The following CSGALNACT2 variants were observed in gnomAD, a reference collection of about 807,000 sequenced individuals.
CSGALNACT2 encodes the protein chondroitin sulfate N-acetylgalactosaminyltransferase 2.
A neutral mutation model predicts 55.3 loss-of-function variants in CSGALNACT2; 35 were observed. The observed-to-expected ratio is 0.63, with a 90% confidence interval of 0.48 to 0.84. CSGALNACT2 has a LOEUF of 0.84. Among genes scored for constraint, CSGALNACT2 ranks in the 40% least tolerant of loss-of-function variants. The pLI is 0.00. For synonymous variants in CSGALNACT2, 196 were observed against 224.9 expected (o/e 0.87, Z 1.15); for missense variants, 544 against 657.5 (o/e 0.83, Z 1.89).
intron 5 of CSGALNACT2, among the ~76,000 whole-genome samples, chr10:43,164,593 A>C (rs1839219829): frequency 6.6e-6 from 1 of 152,364 alleles, no homozygotes; most frequent in East Asian, 1.9e-4. Flanking sequence ...TCACGCCTAT[A>C]ATCTCAGTAC....
chr10:43,183,716 C>A lies in CSGALNACT2; in HGVS notation c.*174C>A. On this transcript the variant is annotated 3_prime_UTR_variant, in exon 8 of 8. Coordinates refer to ENST00000374466, the MANE Select transcript of CSGALNACT2 (RefSeq NM_018590.5). Reference sequence around the variant, plus strand: ...TGAGAAGAAAAAACAAATGTTTCAACACAAAATCTCTGTTTTGTGAGAATA... The same window carrying A: ...TGAGAAGAAAAAACAAATGTTTCAAAACAAAATCTCTGTTTTGTGAGAATA... The A allele has an allele frequency of 1.7e-6, 1 of 605,676 alleles. No homozygotes were observed. Among genetic ancestry groups the A allele is most frequent in the Non-Finnish European group, 2.9e-6 (1 of 342,602 alleles). 37.5% of individuals were successfully genotyped at this position (605,676 alleles called of 1,614,324 possible). A position where few individuals can be genotyped will look rare whatever the true frequency, so the allele number is the denominator to read the frequency against.
chr10:43,158,177 C>A (rs191108237), intron 2 of CSGALNACT2, among the ~76,000 whole-genome samples: 243 of 109,090 alleles, frequency 2.2e-3, no homozygotes, highest in African/African-American at 8.6e-3. Context: ...TGTATACACA[C>A]ATATATATAT....
In CSGALNACT2 at chr10:43,149,682, A is replaced by G. The variant is rs375879403; in HGVS notation, c.-253-5215A>G. 6.6e-5 allele frequency among the ~76,000 whole-genome samples: 10 copies of G among 152,314 alleles called. No homozygotes were observed. The East Asian group carries it at 9.6e-4, about 15-fold the overall frequency. ...TCTTTTAATGTCTGGATTTGGTAGCAGGATGATACTGACCTTATAGAATGC... is the reference window on the plus strand; with the variant it reads ...TCTTTTAATGTCTGGATTTGGTAGCGGGATGATACTGACCTTATAGAATGC... On this transcript the variant is annotated intron_variant, in intron 1 of 7. Coordinates refer to ENST00000374466, the MANE Select transcript of CSGALNACT2 (RefSeq NM_018590.5).
chr10:43,157,279 T>G (rs1160824808), intron 2 of CSGALNACT2, among the ~76,000 whole-genome samples: 2 of 152,228 alleles, frequency 1.3e-5, no homozygotes, highest in African/African-American at 2.4e-5. Flanking sequence ...GTGCCAGTTT[T>G]ATATTCTGCA....
intron 6 of CSGALNACT2, among the ~76,000 whole-genome samples, chr10:43,168,001 T>A (rs1028166243): frequency 7.9e-5 from 12 of 151,998 alleles, no homozygotes; most frequent in African/African-American, 2.9e-4. Flanking sequence ...GTAGACAGAT[T>A]TCAGGTAAAA....
chr10:43,144,561 AG>A (rs1016752204), intron 1 of CSGALNACT2, among the ~76,000 whole-genome samples: 2 of 43,730 alleles, frequency 4.6e-5, no homozygotes, highest in African/African-American at 4.5e-4. Flanking sequence ...AACAAACTGG[AG>A]GGGTTTTTTT....
At chr10:43,183,176 T>A in intron 7 of CSGALNACT2, 74 bp from the exon 8 acceptor site, 1 of 1,198,046 alleles carries the variant, frequency 8.3e-7, no homozygotes, top group Non-Finnish European at 1.2e-6. Flanking sequence ...GCAGAACATT[T>A]AAAATTTTAT....
At chr10:43,169,775 C>T (rs1325562252) in intron 6 of CSGALNACT2, among the ~76,000 whole-genome samples, 1 of 152,154 alleles carries the variant, frequency 6.6e-6, no homozygotes, top group Non-Finnish European at 1.5e-5. Flanking sequence ...CTTCCAGAGA[C>T]ACTAAAAATA....
At chr10:43,171,232 C>T (rs1839375832) in intron 6 of CSGALNACT2, among the ~76,000 whole-genome samples, 1 of 151,922 alleles carries the variant, frequency 6.6e-6, no homozygotes, top group South Asian at 2.1e-4. Flanking sequence ...TGTTTTGCAA[C>T]TTCTTTGTAA....
intron 4 of CSGALNACT2, chr10:43,163,001 G>A (rs1037071908): frequency 1.9e-5 from 19 of 984,990 alleles, no homozygotes; most frequent in African/African-American, 8.7e-5. Context: ...TTAAGATTCC[G>A]TTGACCCTTA....
At position 43,184,762 on chromosome 10, in the gene CSGALNACT2, T is replaced by C. The variant is rs1023984085; in HGVS notation, c.*1220T>C. 1.3e-5 allele frequency: 2 copies of C among 152,236 alleles called. No individual in the cohort carries two copies. Among genetic ancestry groups the C allele is most frequent in the African/African-American group, 2.4e-5 (1 of 41,464 alleles). 9.4% of individuals were successfully genotyped at this position (152,236 alleles called of 1,614,324 possible). ...ACTGCACTACATTATTTGTCACACA[T>C]GGATCTGTTACCATCAGGTCAATTC... On this transcript the variant is annotated 3_prime_UTR_variant, in exon 8 of 8. Coordinates refer to ENST00000374466, the MANE Select transcript of CSGALNACT2 (RefSeq NM_018590.5).
chr10:43,145,119 A>G (rs555499797), intron 1 of CSGALNACT2, among the ~76,000 whole-genome samples: 34 of 152,302 alleles, frequency 2.2e-4, no homozygotes, highest in African/African-American at 8.2e-4. Context: ...TTTGTGTACA[A>G]GTTTTGGTAT....
chr10:43,160,915 T>C (rs1284790538), intron 4 of CSGALNACT2, among the ~76,000 whole-genome samples: 1 of 152,184 alleles, frequency 6.6e-6, no homozygotes, highest in East Asian at 1.9e-4. Flanking sequence ...GTCTCTTTTT[T>C]GTCACCTTTC....
At position 43,155,656 on chromosome 10, in the gene CSGALNACT2, A is replaced by G. The variant is rs937053844; in HGVS notation, c.507A>G (p.Glu169=). Residue 169 remains glutamate, a synonymous_variant, in exon 2 of 8, where the codon GAA becomes GAG. Transcript: ENST00000374466. The stretch of plus-strand genomic sequence containing the variant: ...TGGGTCTCACTCGCCATCCTGAAGA[A>G]AAGCCAGTTAGAAAAGACAAACGAG... ...LEMGLTRHPE[E]KPVRKDKRDE... is the part of the protein sequence containing the mutation. 6.2e-7 allele frequency: 1 copy of G among 1,614,224 alleles called. No homozygotes were observed. The highest frequency in any genetic ancestry group is 8.5e-7 in the Non-Finnish European group (1 of 1,180,040).
chr10:43,174,389 G>A (rs987844501), intron 6 of CSGALNACT2, among the ~76,000 whole-genome samples: 3 of 152,032 alleles, frequency 2.0e-5, no homozygotes, highest in Non-Finnish European at 2.9e-5. Flanking sequence ...TGATATTCCT[G>A]CTATCTGCAG....
At chr10:43,161,733 G>C (rs1364103863) in intron 4 of CSGALNACT2, among the ~76,000 whole-genome samples, 1 of 152,188 alleles carries the variant, frequency 6.6e-6, no homozygotes, top group Non-Finnish European at 1.5e-5. Context: ...ATCTGGGCAT[G>C]ACTTCTGAGA....
intron 7 of CSGALNACT2, among the ~76,000 whole-genome samples, chr10:43,180,250 T>TA (rs749883660): frequency 2.6e-5 from 4 of 152,234 alleles, no homozygotes; most frequent in Non-Finnish European, 5.9e-5. Context: ...ATACATATGT[T>TA]ACATCTTTTG....
At chr10:43,153,334 CA>C (rs367556732) in intron 1 of CSGALNACT2, among the ~76,000 whole-genome samples, 2 of 113,698 alleles carry the variant, frequency 1.8e-5, no homozygotes, top group African/African-American at 3.7e-5. Context: ...GACTCTGTCT[CA>C]AAAAAAAAAG....
At chr10:43,153,906 C>T (rs563444761) in intron 1 of CSGALNACT2, among the ~76,000 whole-genome samples, 2 of 152,198 alleles carry the variant, frequency 1.3e-5, no homozygotes, top group South Asian at 4.1e-4. Flanking sequence ...TATATAGACT[C>T]CAAACCTTTC....
Sources: allele counts gnomAD v4.1 joint callset (sites outside exome capture counted in the v4.1 genomes callset), GRCh38; gene constraint gnomAD v4.1.1; transcripts MANE v1.5; gene names NCBI Gene and HGNC (gene_info 2026-07-23, HGNC 2026-07-21).